Variants in MICAL3 observed in about 807,000 individuals in gnomAD.
MICAL3 encodes the protein microtubule associated monooxygenase, calponin and LIM domain containing 3.
A neutral mutation model predicts 207.4 loss-of-function variants in MICAL3; 62 were observed. That is an observed-to-expected ratio of 0.30 (90% confidence interval 0.24 to 0.37). The LOEUF (loss-of-function observed/expected upper bound fraction) is 0.37. MICAL3 is among the 10% of genes least tolerant of loss of function. The pLI is 1.00. For missense variants in MICAL3, 2,368 were observed against 2,635.6 expected, an observed-to-expected ratio of 0.90 and a Z score of 2.22; for synonymous variants, 1,077 against 1,069.3, an observed-to-expected ratio of 1.01 and a Z score of -0.14.
In MICAL3 at chr22:17,957,743, CGA is replaced by C. The variant is rs35596616; in HGVS notation, c.-74-50859_-74-50858del. ...AAAAAAAAAAGAGAGAGAAAGAAAA[CGA>C]GAGAGAGAGAGAGAGAGAATGAAAG... On this transcript the variant is annotated intron_variant, in intron 1 of 31. Coordinates refer to ENST00000441493, the MANE Select transcript of MICAL3 (RefSeq NM_015241.3). Among the ~76,000 whole-genome samples the C allele has an allele frequency of 7.2e-3, 988 of 138,092 alleles. 7 individuals carry two copies. The highest frequency in any genetic ancestry group is 0.011 in the Non-Finnish European group (687 of 64,700). The allele number at this position is 138,092 out of a possible 152,430, so 90.6% of individuals were successfully genotyped here.
intron 29 of MICAL3, 44 bp from the exon 30 acceptor site, chr22:17,791,345 C>G: frequency 1.3e-6 from 2 of 1,522,672 alleles, no homozygotes; most frequent in Middle Eastern, 1.7e-4. Context: ...GTGCCGCGCC[C>G]ACCCTGGCCC....
At chr22:17,971,718 A>C (rs898266611) in intron 1 of MICAL3, among the ~76,000 whole-genome samples, 1 of 152,254 alleles carries the variant, frequency 6.6e-6, no homozygotes, top group East Asian at 1.9e-4. Flanking sequence ...AGATACATCC[A>C]TACTTACACA....
intron 19 of MICAL3, among the ~76,000 whole-genome samples, chr22:17,858,176 C>T (rs912697354): frequency 7.9e-5 from 12 of 152,190 alleles, no homozygotes; most frequent in African/African-American, 2.9e-4. Context: ...AAGCCTACCA[C>T]CCCCTCCCGC....
At chr22:18,000,754 C>T (rs1212518757) in intron 1 of MICAL3, among the ~76,000 whole-genome samples, 1 of 152,232 alleles carries the variant, frequency 6.6e-6, no homozygotes, top group African/African-American at 2.4e-5. Context: ...GCCGCGCCCA[C>T]CGCCCCCACA....
intron 1 of MICAL3, chr22:18,001,274 G>A (rs1191842806): frequency 6.6e-6 from 1 of 152,040 alleles, no homozygotes; most frequent in Non-Finnish European, 1.5e-5. Context: ...GGGGCCACCC[G>A]CTCCAGAACC....
chr22:17,997,680 G>A (rs910772252), intron 1 of MICAL3, among the ~76,000 whole-genome samples: 1 of 152,122 alleles, frequency 6.6e-6, no homozygotes, highest in African/African-American at 2.4e-5. Context: ...ACCCAGCCCT[G>A]CTTTCAGTCA....
chr22:17,861,927 GTTTTTT>G, intron 19 of MICAL3: 5 of 985,312 alleles, frequency 5.1e-6, no homozygotes, highest in Non-Finnish European at 4.8e-6. Context: ...GTGTGGGTGT[GTTTTTT>G]TGTTTTTGTT....
intron 29 of MICAL3, among the ~76,000 whole-genome samples, chr22:17,807,434 C>A (rs1339168450): frequency 6.6e-6 from 1 of 152,222 alleles, no homozygotes; most frequent in Non-Finnish European, 1.5e-5. Context: ...AGTAACACAT[C>A]CCAGTCGTCT....
chr22:17,790,896 C>T lies in MICAL3; in HGVS notation c.5845G>A (p.Glu1949Lys), dbSNP rs763852211. 6 of 1,613,704 alleles carry T rather than the reference C, an allele frequency of 3.7e-6. No homozygotes were observed. The highest frequency in any genetic ancestry group is 3.3e-5 in the Admixed American group (2 of 60,008). Residue 1949 changes from glutamate (E) to lysine (K), a missense_variant, in exon 32 of 32, where the codon GAG becomes AAG. Coordinates refer to ENST00000441493, the MANE Select transcript of MICAL3 (RefSeq NM_015241.3). ...AGAATCTGCTTCTCTTCTGACAGCT[C>T]CTCCTCAGTCTTAAGGTGATCTTGA... ...AVEDHLKTEEELSEEKQILNE... is the reference protein window; with the variant it reads ...AVEDHLKTEEKLSEEKQILNE...
At chr22:17,897,461 T>C (rs902751040) in intron 7 of MICAL3, among the ~76,000 whole-genome samples, 1 of 112,254 alleles carries the variant, frequency 8.9e-6, no homozygotes, top group Non-Finnish European at 1.9e-5. Flanking sequence ...GTTTGGGGGG[T>C]GGATTATTCC....
At chr22:17,843,869 C>T (rs1228611551) in intron 19 of MICAL3, among the ~76,000 whole-genome samples, 1 of 147,914 alleles carries the variant, frequency 6.8e-6, no homozygotes, top group Non-Finnish European at 1.5e-5. Flanking sequence ...TTTTTTGAGA[C>T]GGAGTCTCGC....
intron 1 of MICAL3, among the ~76,000 whole-genome samples, chr22:17,919,090 T>TTTTTTTTTTTTTTTTA (rs1932724096): frequency 1.3e-5 from 2 of 151,292 alleles, no homozygotes; most frequent in African/African-American, 4.9e-5. Context: ...TTTTTTTTTT[T>TTTTTTTTTTTTTTTTA]GAGACAGGCT....
At chr22:17,844,488 T>TA (rs1308031101) in intron 19 of MICAL3, among the ~76,000 whole-genome samples, 2 of 152,202 alleles carry the variant, frequency 1.3e-5, no homozygotes, top group Admixed American at 6.5e-5. Context: ...TGAACCCTGG[T>TA]AGTCACAGGA....
chr22:17,998,426 A>G (rs900892981), intron 1 of MICAL3, among the ~76,000 whole-genome samples: 1 of 152,182 alleles, frequency 6.6e-6, no homozygotes, highest in African/African-American at 2.4e-5. Flanking sequence ...AATAGACTCT[A>G]TTAAACTTTA....
chr22:17,831,885 GTCCTCCTCCTCCTCCTCTTCATATTCT>G lies in MICAL3; in HGVS notation c.2997_3023del (p.Glu999_Glu1007del), dbSNP rs1031333682. ...TGGACTCTTCCTCCTCCTCGTCATA[GTCCTCCTCCTCCTCCTCTTCATATTCT>G]TCCTCCTCCTCCTCCTCCTCTTCAT... On this transcript the variant is annotated inframe_deletion, in exon 21 of 32. Transcript: ENST00000441493. 4 of 1,553,394 alleles carry G rather than the reference GTCCTCCTCCTCCTCCTCTTCATATTCT, an allele frequency of 2.6e-6. No individual in the cohort carries two copies. The African/African-American group carries it at 4.1e-5, about 16-fold the overall frequency.
chr22:17,826,558 T>C, intron 22 of MICAL3: 1 of 952,236 alleles, frequency 1.1e-6, no homozygotes, highest in Non-Finnish European at 1.3e-6. Context: ...TACACAGCAA[T>C]ATGCGTTCCC....
rs1431923414 is a variant in MICAL3 at position 17,829,181 on chromosome 22, T to C, written c.3056-1400A>G. Among the ~76,000 whole-genome samples, 5 of 151,644 alleles carry C rather than the reference T, an allele frequency of 3.3e-5. No homozygotes were observed. The East Asian group carries it at 9.6e-4, about 29-fold the overall frequency. Reference sequence around the variant, plus strand: ...TGAATTTGCCTTTTTTTTTTTTTTTTTTGAGACGAAGTGTCGCTCTTGTTG... The same window carrying C: ...TGAATTTGCCTTTTTTTTTTTTTTTCTTGAGACGAAGTGTCGCTCTTGTTG... On this transcript the variant is annotated intron_variant, in intron 21 of 31. Coordinates refer to ENST00000441493, the MANE Select transcript of MICAL3 (RefSeq NM_015241.3).
At chr22:17,833,517 G>A (rs759690229) in intron 20 of MICAL3, among the ~76,000 whole-genome samples, 15 of 152,228 alleles carry the variant, frequency 9.9e-5, no homozygotes, top group Non-Finnish European at 1.5e-4. Flanking sequence ...GATGAGCACT[G>A]AGGGGCACTG....
At chr22:17,807,825 C>G (rs2062003533) in intron 29 of MICAL3, among the ~76,000 whole-genome samples, 1 of 152,234 alleles carries the variant, frequency 6.6e-6, no homozygotes, top group African/African-American at 2.4e-5. Context: ...GTCCATTTCA[C>G]AGAGAGCCTG....
Sources: gnomAD v4.1 joint callset for allele counts (sites outside exome capture counted in the v4.1 genomes callset) on GRCh38, gnomAD v4.1.1 for gene constraint, MANE v1.5 for transcripts, NCBI Gene and HGNC (gene_info 2026-07-23, HGNC 2026-07-21) for gene names.